LRTM1: variants seen among roughly 807,000 people sequenced by gnomAD.
LRTM1 encodes leucine rich repeat transmembrane protein 1.
Under a neutral mutation model 32.4 loss-of-function variants are expected in LRTM1, and 38 were observed. The observed-to-expected ratio is 1.17, with a 90% CI of 0.91 to 1.54. The LOEUF is 1.54. Ranked by LOEUF, LRTM1 falls within the 40% of genes most tolerant of loss-of-function variation. The pLI is 0.00. For missense variants in LRTM1, 466 were observed against 415.4 expected (o/e 1.12, Z -1.06); for synonymous variants, 186 against 169.9 (o/e 1.09, Z -0.74).
intron 1 of LRTM1, among the ~76,000 whole-genome samples, chr3:54,950,637 G>C (rs1158764945): frequency 6.6e-6 from 1 of 152,146 alleles, no homozygotes; most frequent in Non-Finnish European, 1.5e-5. Context: ...CCAGGCTGTG[G>C]CAGGGCAGCC....
At chr3:54,937,382 G>A (rs1044138194) in intron 1 of LRTM1, among the ~76,000 whole-genome samples, 30 of 152,126 alleles carry the variant, frequency 2.0e-4, no homozygotes, top group Non-Finnish European at 3.5e-4. Flanking sequence ...TATATGAGGG[G>A]GATTGGTTCC....
In LRTM1 at chr3:54,925,204, G is replaced by C; in HGVS notation, c.19C>G (p.Leu7Val). 6.2e-7 allele frequency: 1 copy of C among 1,610,904 alleles called. No homozygotes were observed. Among genetic ancestry groups the C allele is most frequent in the East Asian group, 2.2e-5 (1 of 44,754 alleles). Reference protein sequence around the residue: MKGELLLFSSVIVLLQV... With the variant: MKGELLVFSSVIVLLQV... ...AGCAGGACAATCACACTGGAAAACA[G>C]GAGCAGTTCACCTACAACAAACAGA... The change falls in exon 2 of 3, where the codon CTG becomes GTG. Residue 7 changes from leucine (L) to valine (V), a missense_variant. Coordinates refer to ENST00000273286, the MANE Select transcript of LRTM1 (RefSeq NM_020678.4).
Position 54,919,335 on chromosome 3 carries a change from G to A in LRTM1, c.605-443C>T, listed in dbSNP as rs114312640. ...AAAAATAAAATAAATGTGCATTGTT[G>A]TGATGTTATGTGTTTATTACAAAGA... On this transcript the variant is annotated intron_variant, in intron 2 of 2. Transcript: ENST00000273286. 2.8e-3 allele frequency among the ~76,000 whole-genome samples: 425 copies of A among 152,316 alleles called. 2 individuals carry two copies. Among genetic ancestry groups the A allele is most frequent in the African/African-American group, 9.8e-3 (408 of 41,562 alleles).
chr3:54,964,342 G>C (rs1702095855), intron 1 of LRTM1, among the ~76,000 whole-genome samples: 1 of 152,132 alleles, frequency 6.6e-6, no homozygotes, highest in Admixed American at 6.5e-5. Flanking sequence ...GGAGCACTGT[G>C]ACCTCCGGGG....
At chr3:54,925,703 C>G (rs760545037) in intron 1 of LRTM1, among the ~76,000 whole-genome samples, 2 of 152,168 alleles carry the variant, frequency 1.3e-5, no homozygotes, top group African/African-American at 2.4e-5. Flanking sequence ...GTATGGGAGC[C>G]AATAGCCATG....
chr3:54,930,250 A>G (rs1285281132), upstream of LRTM1, among the ~76,000 whole-genome samples: 1 of 152,016 alleles, frequency 6.6e-6, no homozygotes, highest in Non-Finnish European at 1.5e-5. Flanking sequence ...ACCCACCCTC[A>G]ACTCCCACCA....
chr3:54,928,216 G>A (rs554673964), upstream of LRTM1: 8 of 423,124 alleles, frequency 1.9e-5, no homozygotes, highest in East Asian at 1.9e-4. Context: ...CCATTCAGAC[G>A]ATGAGCCGCG....
intron 1 of LRTM1, among the ~76,000 whole-genome samples, chr3:54,954,431 A>G (rs1457195765): frequency 6.6e-6 from 1 of 152,218 alleles, no homozygotes; most frequent in Non-Finnish European, 1.5e-5. Flanking sequence ...GTGGAGCAGA[A>G]TACTCCTCAC....
chr3:54,957,201 C>G (rs1701920505), intron 1 of LRTM1, among the ~76,000 whole-genome samples: 1 of 151,896 alleles, frequency 6.6e-6, no homozygotes. Context: ...TTTCTGTCCC[C>G]CAGGCTGGAG....
chr3:54,920,088 A>T (rs1880825), intron 2 of LRTM1, among the ~76,000 whole-genome samples: 111,750 of 152,174 alleles, frequency 0.73, 41,338 homozygotes, highest in East Asian at 0.86. Context: ...CTGGCACTGC[A>T]GTTAGCAAAG....
At chr3:54,927,792 C>G in intron 1 of LRTM1, 113 bp downstream of exon 1, 1 of 1,117,972 alleles carries the variant, frequency 8.9e-7, no homozygotes, top group South Asian at 1.3e-5. Flanking sequence ...CATATCTGTC[C>G]AGTCTTTTAA....
intron 2 of LRTM1, among the ~76,000 whole-genome samples, chr3:54,922,816 C>G (rs185740274): frequency 6.6e-6 from 1 of 152,164 alleles, no homozygotes; most frequent in Non-Finnish European, 1.5e-5. Flanking sequence ...AACACACTCA[C>G]TCACTCCCCC....
chr3:54,951,598 C>A lies in LRTM1; in HGVS notation c.-222+15330G>T, dbSNP rs570898748. On this transcript the variant is annotated intron_variant, in intron 1 of 2. Coordinates refer to the LRTM1 transcript ENST00000493075. ...AGCCCCACTGAGAACCACAGGAGAGCCTGGGAGCCACAGGGCGGCTGGCTC... is the reference window on the plus strand; with the variant it reads ...AGCCCCACTGAGAACCACAGGAGAGACTGGGAGCCACAGGGCGGCTGGCTC... Among the ~76,000 whole-genome samples the A allele has an allele frequency of 2.0e-5, 3 of 152,298 alleles. No individual in the cohort carries two copies. In the South Asian group the frequency reaches 6.2e-4, roughly 32 times the overall value.
intron 1 of LRTM1, among the ~76,000 whole-genome samples, chr3:54,942,041 G>A (rs191066216): frequency 1.8e-4 from 27 of 152,186 alleles, no homozygotes; most frequent in Admixed American, 1.8e-3. Context: ...TTTCTTTCTT[G>A]TAAAAATGCG....
intron 1 of LRTM1, among the ~76,000 whole-genome samples, chr3:54,950,523 A>C (rs946071083): frequency 2.6e-5 from 4 of 152,336 alleles, no homozygotes; most frequent in East Asian, 3.9e-4. Context: ...GTGCAAGAAG[A>C]AGCAGTTTGC....
chr3:54,934,245 T>C (rs1242214215), intron 1 of LRTM1, among the ~76,000 whole-genome samples: 2 of 152,238 alleles, frequency 1.3e-5, no homozygotes, highest in African/African-American at 4.8e-5. Flanking sequence ...GGTCATTTTT[T>C]ACACAACCCA....
At chr3:54,923,952 G>A (rs1046887756) in intron 2 of LRTM1, among the ~76,000 whole-genome samples, 3 of 152,228 alleles carry the variant, frequency 2.0e-5, no homozygotes, top group African/African-American at 7.2e-5. Context: ...GCATGGCTGT[G>A]TTCCAATAAA....
intron 1 of LRTM1, among the ~76,000 whole-genome samples, chr3:54,958,039 C>T (rs940473229): frequency 3.3e-5 from 5 of 152,204 alleles, no homozygotes; most frequent in African/African-American, 4.8e-5. Context: ...TCAACCACCC[C>T]GTGTGTGTTC....
intron 1 of LRTM1, among the ~76,000 whole-genome samples, chr3:54,948,206 T>C (rs918018120): frequency 6.6e-5 from 10 of 152,184 alleles, no homozygotes; most frequent in Admixed American, 6.5e-4. Context: ...GAGAGTGAGA[T>C]AGGAAACTTT....
Sources: allele counts gnomAD v4.1 joint callset (sites outside exome capture counted in the v4.1 genomes callset), GRCh38; gene constraint gnomAD v4.1.1; transcripts MANE v1.5; gene names NCBI Gene and HGNC (gene_info 2026-07-23, HGNC 2026-07-21).